Variants in TIMM10B observed in about 807,000 individuals in gnomAD.
The protein encoded by TIMM10B is mitochondrial import inner membrane translocase subunit Tim10 B.
In TIMM10B, 17 loss-of-function variants were observed where a neutral mutation model predicts 12.6. The observed-to-expected ratio is 1.35, with a 90% CI of 0.92 to 2.03. The LOEUF is 2.03. TIMM10B is among the 30% of genes most tolerant of loss of function. TIMM10B has a pLI of 0.00. For missense variants in TIMM10B, 165 were observed against 133.3 expected (o/e 1.24, Z -1.17); for synonymous variants, 63 against 51.3 (o/e 1.23, Z -0.97).
In TIMM10B at chr11:6,482,382, C is replaced by CA. The variant is rs1851829568; in HGVS notation, c.*162dup. On this transcript the variant is annotated 3_prime_UTR_variant, in exon 3 of 3. Transcript: ENST00000254616. ...GGAGCCAATATACCCAGTTTTTACT[C>CA]AGTTTGATTTATATTCTGGGCAAGG... 2.3e-5 allele frequency: 15 copies of CA among 640,638 alleles called. No individual in the cohort carries two copies. The highest frequency in any genetic ancestry group is 4.3e-4 in the Middle Eastern group (1 of 2,320). 39.7% of individuals were successfully genotyped at this position (640,638 alleles called of 1,614,324 possible). A position where few individuals can be genotyped will look rare whatever the true frequency, so the allele number is the denominator to read the frequency against.
At position 6,484,329 on chromosome 11, in the gene TIMM10B, T is replaced by A. The variant is rs1417358003; in HGVS notation, c.*2108T>A. The A allele has an allele frequency of 6.6e-6, 1 of 152,204 alleles. No individual in the cohort carries two copies. The highest frequency in any genetic ancestry group is 1.5e-5 in the Non-Finnish European group (1 of 68,046). The allele number at this position is 152,204 out of a possible 1,614,324, so 9.4% of individuals were successfully genotyped here. ...GGCTGGTCTTGAACTCCTGACCTTGTGATCCGCCCGCCTCGGCCTCCAAAA... is the reference window on the plus strand; with the variant it reads ...GGCTGGTCTTGAACTCCTGACCTTGAGATCCGCCCGCCTCGGCCTCCAAAA... On this transcript the variant is annotated 3_prime_UTR_variant, in exon 3 of 3. Coordinates refer to ENST00000254616, the MANE Select transcript of TIMM10B (RefSeq NM_012192.4).
rs754086371 is a variant in TIMM10B, at chr11:6,482,443, C to T, written c.*222C>T. Reference sequence around the variant, plus strand: ...TACTTTATTGGCACAATCCGTTGTTCTGTCGTTTAGTGCATATCTGCTGGC... The same window carrying T: ...TACTTTATTGGCACAATCCGTTGTTTTGTCGTTTAGTGCATATCTGCTGGC... On this transcript the variant is annotated 3_prime_UTR_variant, in exon 3 of 3. Coordinates refer to ENST00000254616, the MANE Select transcript of TIMM10B (RefSeq NM_012192.4). The T allele has an allele frequency of 3.3e-5, 18 of 546,000 alleles. No homozygotes were observed. The highest frequency in any genetic ancestry group is 5.3e-5 in the Non-Finnish European group (16 of 304,346). The allele number at this position is 546,000 out of a possible 1,614,324, so 33.8% of individuals were successfully genotyped here. A position where few individuals can be genotyped will look rare whatever the true frequency, so the allele number is the denominator to read the frequency against.
rs1242459109 is a variant in TIMM10B, at chr11:6,482,174, C to T, written c.265C>T (p.Pro89Ser). ...AGACTACGAGGCTGCCTCGGCTGTG[C>T]CAGGCGTTGCTGCTGAACAGCCTGG... ...IADYEAASAVPGVAAEQPGVS... is the reference protein window; with the variant it reads ...IADYEAASAVSGVAAEQPGVS... Residue 89 changes from proline to serine, a missense_variant, in exon 3 of 3, where the codon CCA (proline) becomes TCA (serine). Coordinates refer to ENST00000254616, the MANE Select transcript of TIMM10B (RefSeq NM_012192.4). 1 of 1,610,922 alleles carries T rather than the reference C, an allele frequency of 6.2e-7. No homozygotes were observed.
rs1851883097 is a variant in TIMM10B, at chr11:6,484,089, C to T, written c.*1868C>T. On this transcript the variant is annotated 3_prime_UTR_variant, in exon 3 of 3. Transcript: ENST00000254616. The stretch of plus-strand genomic sequence containing the variant: ...ATTTCGTGCAAACATTTATACACAG[C>T]TTCTTTTTTTTTTTTTTGAGACAGA... 6.6e-6 allele frequency: 1 copy of T among 150,880 alleles called. No individual in the cohort carries two copies. Among genetic ancestry groups the T allele is most frequent in the Non-Finnish European group, 1.5e-5 (1 of 67,926 alleles). 9.3% of individuals were successfully genotyped at this position (150,880 alleles called of 1,614,324 possible).
At position 6,481,687 on chromosome 11, in the gene TIMM10B, T is replaced by C. The variant is rs989869209; in HGVS notation, c.40-70T>C. 5.6e-6 allele frequency: 9 copies of C among 1,605,836 alleles called. No individual in the cohort carries two copies. The African/African-American group carries it at 6.7e-5, about 12-fold the overall frequency. ...TATGGCGCGCGGGCCTGGGAAACTTTGGGCGGCGCGACCTTGACTAGAAGT... is the reference window on the plus strand; with the variant it reads ...TATGGCGCGCGGGCCTGGGAAACTTCGGGCGGCGCGACCTTGACTAGAAGT... On this transcript the variant is annotated intron_variant, in intron 1 of 2. Transcript: ENST00000254616.
intron 1 of TIMM10B, 22 bp from the exon 2 acceptor site, chr11:6,481,735 T>C (rs1419550392): frequency 6.2e-7 from 1 of 1,614,046 alleles, no homozygotes; most frequent in South Asian, 1.1e-5. Flanking sequence ...TCGCTGAGTT[T>C]GTGGTCCCCC....
chr11:6,481,725 T>C (rs1325613462), intron 1 of TIMM10B, 32 bp from the exon 2 acceptor site: 13 of 1,613,926 alleles, frequency 8.1e-6, no homozygotes, highest in Non-Finnish European at 1.1e-5. Context: ...GGGGCCCTTA[T>C]CGCTGAGTTT....
chr11:6,482,361 C>A lies in TIMM10B; in HGVS notation c.*140C>A. On this transcript the variant is annotated 3_prime_UTR_variant, in exon 3 of 3. Transcript: ENST00000254616. ...GGTGTCCTTGCTCCTTTTCCTGGAGCCAATATACCCAGTTTTTACTCAGTT... is the reference window on the plus strand; with the variant it reads ...GGTGTCCTTGCTCCTTTTCCTGGAGACAATATACCCAGTTTTTACTCAGTT... 1 of 714,792 alleles carries A rather than the reference C, an allele frequency of 1.4e-6. No homozygotes were observed. The highest frequency in any genetic ancestry group is 2.3e-6 in the Non-Finnish European group (1 of 444,168). The allele number at this position is 714,792 out of a possible 1,614,324, so 44.3% of individuals were successfully genotyped here.
Position 6,482,358 on chromosome 11 carries a change from G to A in TIMM10B, c.*137G>A, listed in dbSNP as rs73400854. 4,266 of 754,072 alleles carry A rather than the reference G, an allele frequency of 5.7e-3. 93 individuals carry two copies. The highest frequency in any genetic ancestry group is 0.056 in the African/African-American group (3,196 of 56,968). The allele number at this position is 754,072 out of a possible 1,614,324, so 46.7% of individuals were successfully genotyped here. On this transcript the variant is annotated 3_prime_UTR_variant, in exon 3 of 3. Transcript: ENST00000254616. Reference sequence around the variant, plus strand: ...CTGGGTGTCCTTGCTCCTTTTCCTGGAGCCAATATACCCAGTTTTTACTCA... The same window carrying A: ...CTGGGTGTCCTTGCTCCTTTTCCTGAAGCCAATATACCCAGTTTTTACTCA...
rs1035536100 is a variant in TIMM10B, at chr11:6,482,986, C to A, written c.*765C>A. On this transcript the variant is annotated 3_prime_UTR_variant, in exon 3 of 3. Transcript: ENST00000254616. ...AGAAGTCTGGAGTCTTTTGGAACTTCAGCCATTTCCCCAGGTTGTTACTTT... is the reference window on the plus strand; with the variant it reads ...AGAAGTCTGGAGTCTTTTGGAACTTAAGCCATTTCCCCAGGTTGTTACTTT... 1 of 152,182 alleles carries A rather than the reference C, an allele frequency of 6.6e-6. No homozygotes were observed. Among genetic ancestry groups the A allele is most frequent in the Non-Finnish European group, 1.5e-5 (1 of 68,038 alleles). The allele number at this position is 152,182 out of a possible 1,614,324, so 9.4% of individuals were successfully genotyped here. A position where few individuals can be genotyped will look rare whatever the true frequency, so the allele number is the denominator to read the frequency against.
At chr11:6,481,589 G>A (rs1476446260) in intron 1 of TIMM10B, 34 bp downstream of exon 1, 1 of 1,585,694 alleles carries the variant, frequency 6.3e-7, no homozygotes, top group Non-Finnish European at 8.6e-7. Context: ...GAGGCCAGAC[G>A]TTCAGCTCGC....
chr11:6,483,170 A>G lies in TIMM10B; in HGVS notation c.*949A>G, dbSNP rs1396710375. On this transcript the variant is annotated 3_prime_UTR_variant, in exon 3 of 3. Transcript: ENST00000254616. ...GAAACTGAAGGGAGAAGTAGATGGC[A>G]ATGGTTATGATAAAAAGGGATAAAA... 1.3e-5 allele frequency: 2 copies of G among 152,224 alleles called. No homozygotes were observed. The highest frequency in any genetic ancestry group is 1.3e-4 in the Admixed American group (2 of 15,284). 9.4% of individuals were successfully genotyped at this position (152,224 alleles called of 1,614,324 possible). A position where few individuals can be genotyped will look rare whatever the true frequency, so the allele number is the denominator to read the frequency against.
At chr11:6,481,968 G>A (rs1851804821) in intron 2 of TIMM10B, 77 bp from the exon 3 acceptor site, 2 of 1,595,636 alleles carry the variant, frequency 1.3e-6, no homozygotes, top group Non-Finnish European at 1.7e-6. Context: ...CTCACCCCTA[G>A]GCTGGGCATG....
Position 6,484,323 on chromosome 11 carries a change from A to C in TIMM10B, c.*2102A>C, listed in dbSNP as rs1851887074. 1 of 152,072 alleles carries C rather than the reference A, an allele frequency of 6.6e-6. No homozygotes were observed. The highest frequency in any genetic ancestry group is 6.5e-5 in the Admixed American group (1 of 15,272). The allele number at this position is 152,072 out of a possible 1,614,324, so 9.4% of individuals were successfully genotyped here. A position where few individuals can be genotyped will look rare whatever the true frequency, so the allele number is the denominator to read the frequency against. ...TGGTCAGGCTGGTCTTGAACTCCTG[A>C]CCTTGTGATCCGCCCGCCTCGGCCT... On this transcript the variant is annotated 3_prime_UTR_variant, in exon 3 of 3. Transcript: ENST00000254616.
Position 6,482,305 on chromosome 11 carries a change from A to C in TIMM10B, c.*84A>C. The stretch of plus-strand genomic sequence containing the variant: ...GGACCTTGGGGTTGGTGAATCCTAA[A>C]CAGAGAGAATTCGAGGTTGCCTGAA... On this transcript the variant is annotated 3_prime_UTR_variant, in exon 3 of 3. Coordinates refer to ENST00000254616, the MANE Select transcript of TIMM10B (RefSeq NM_012192.4). 1.5e-6 allele frequency: 2 copies of C among 1,329,218 alleles called. No individual in the cohort carries two copies. The highest frequency in any genetic ancestry group is 1.0e-6 in the Non-Finnish European group (1 of 983,730). 82.3% of individuals were successfully genotyped at this position (1,329,218 alleles called of 1,614,324 possible).
chr11:6,481,559 A>G lies in TIMM10B; in HGVS notation c.39+4A>G. On this transcript the variant is annotated splice_donor_region_variant and intron_variant, in intron 1 of 2. Coordinates refer to ENST00000254616, the MANE Select transcript of TIMM10B (RefSeq NM_012192.4). ...GCAGCAACAGCAACTGCGAAACGTA[A>G]GTGAGAACTAAGTCGTTTCGAGGCC... 6.2e-7 allele frequency: 1 copy of G among 1,606,032 alleles called. No homozygotes were observed. The highest frequency in any genetic ancestry group is 8.5e-7 in the Non-Finnish European group (1 of 1,176,398).
chr11:6,482,336 G>C lies in TIMM10B; in HGVS notation c.*115G>C. ...AGAATTCGAGGTTGCCTGAAAGCTGGGTGTCCTTGCTCCTTTTCCTGGAGC... is the reference window on the plus strand; with the variant it reads ...AGAATTCGAGGTTGCCTGAAAGCTGCGTGTCCTTGCTCCTTTTCCTGGAGC... On this transcript the variant is annotated 3_prime_UTR_variant, in exon 3 of 3. Coordinates refer to ENST00000254616, the MANE Select transcript of TIMM10B (RefSeq NM_012192.4). The C allele has an allele frequency of 1.0e-6, 1 of 987,748 alleles. No homozygotes were observed. The highest frequency in any genetic ancestry group is 1.5e-6 in the Non-Finnish European group (1 of 687,474). The allele number at this position is 987,748 out of a possible 1,614,324, so 61.2% of individuals were successfully genotyped here.
chr11:6,482,120 A>C lies in TIMM10B; in HGVS notation c.211A>C (p.Met71Leu). ...HRLMAAYVQL[M>L]PALVQRRIAD... ...CCTCATGGCCGCTTACGTGCAGCTC[A>C]TGCCTGCCCTGGTACAGCGCCGCAT... The change falls in exon 3 of 3, where the codon ATG (methionine) becomes CTG (leucine). Residue 71 changes from methionine (M) to leucine (L), a missense_variant. Coordinates refer to ENST00000254616, the MANE Select transcript of TIMM10B (RefSeq NM_012192.4). The C allele has an allele frequency of 6.2e-7, 1 of 1,613,774 alleles. No individual in the cohort carries two copies. The highest frequency in any genetic ancestry group is 8.5e-7 in the Non-Finnish European group (1 of 1,180,048).
intron 1 of TIMM10B, 49 bp downstream of exon 1, chr11:6,481,604 C>A: frequency 6.3e-7 from 1 of 1,577,140 alleles, no homozygotes; most frequent in East Asian, 2.3e-5. Flanking sequence ...GCTCGCATTC[C>A]TGCACACATC....
Sources: allele counts gnomAD v4.1 joint callset, GRCh38; gene constraint gnomAD v4.1.1; transcripts MANE v1.5; gene names NCBI Gene and HGNC (gene_info 2026-07-23, HGNC 2026-07-21).